HLTF: variants seen among roughly 807,000 people sequenced by gnomAD.
The protein encoded by HLTF is helicase like transcription factor.
HLTF carries 127 observed loss-of-function variants against 129.4 expected under a neutral mutation model. The ratio of observed to expected loss-of-function variants is 0.98; its 90% CI spans 0.85 to 1.14. The LOEUF is 1.14. HLTF is among the 50% of genes most tolerant of loss of function. The probability of loss-of-function intolerance (pLI) is 0.00; values close to 1 mark genes in which losing one functional copy is unlikely to be tolerated. For synonymous variants in HLTF, 332 were observed against 388.8 expected (o/e 0.85, Z 1.72); for missense variants, 1,139 against 1,187.1 (o/e 0.96, Z 0.60).
intron 9 of HLTF, among the ~76,000 whole-genome samples, chr3:149,064,001 T>C (rs1718160351): frequency 6.6e-6 from 1 of 152,148 alleles, no homozygotes; most frequent in Admixed American, 6.5e-5. Context: ...TATAACTCCT[T>C]TTATTCCAAG....
intron 15 of HLTF, among the ~76,000 whole-genome samples, chr3:149,049,900 G>C (rs1295658192): frequency 6.6e-6 from 1 of 151,978 alleles, no homozygotes; most frequent in East Asian, 1.9e-4. Context: ...GCTGAGGCAG[G>C]AGAATCATCT....
intron 4 of HLTF, among the ~76,000 whole-genome samples, chr3:149,073,592 G>A (rs940817962): frequency 6.6e-6 from 1 of 152,106 alleles, no homozygotes; most frequent in Non-Finnish European, 1.5e-5. Flanking sequence ...TACTCAGGAG[G>A]CTCAGGTGGA....
chr3:149,050,140 A>G, intron 15 of HLTF, 92 bp downstream of exon 15: 1 of 713,820 alleles, frequency 1.4e-6, no homozygotes, highest in Non-Finnish European at 2.1e-6. Flanking sequence ...AAAAAAAAGT[A>G]TAAAGCCTGA....
At chr3:149,076,284 AAT>A (rs1719347962) in intron 2 of HLTF, among the ~76,000 whole-genome samples, 1 of 152,212 alleles carries the variant, frequency 6.6e-6, no homozygotes, top group South Asian at 2.1e-4. Context: ...TGTCTTAAAA[AAT>A]AGTCAAATGT....
intron 13 of HLTF, among the ~76,000 whole-genome samples, chr3:149,055,983 T>C (rs1343001237): frequency 1.3e-5 from 2 of 152,192 alleles, no homozygotes; most frequent in Non-Finnish European, 2.9e-5. Flanking sequence ...TCAGGCAACT[T>C]ATGGAAGGAT....
At chr3:149,061,064 G>T (rs1165687755) in intron 10 of HLTF, among the ~76,000 whole-genome samples, 1 of 152,024 alleles carries the variant, frequency 6.6e-6, no homozygotes, top group Non-Finnish European at 1.5e-5. Context: ...TATACAAAAT[G>T]GAGTACCACC....
chr3:149,035,690 T>TTTAAGAGTCAGTC (rs140073710), intron 23 of HLTF, among the ~76,000 whole-genome samples: 40,710 of 141,724 alleles, frequency 0.29, 6,745 homozygotes, highest in Middle Eastern at 0.44. Flanking sequence ...AAAAGGGGGT[T>TTTAAGAGTCAGTC]TTAAGAGTCA....
intron 24 of HLTF, 126 bp downstream of exon 24, chr3:149,034,792 G>C: frequency 3.1e-6 from 2 of 651,656 alleles, no homozygotes. Flanking sequence ...GATGAAGGAG[G>C]AAAAAGGTGA....
chr3:149,039,973 A>G (rs544800191), intron 21 of HLTF, 58 bp downstream of exon 21: 16 of 1,442,300 alleles, frequency 1.1e-5, no homozygotes, highest in East Asian at 6.9e-5. Context: ...TATACTGTGT[A>G]TATTTCCTTA....
At chr3:149,071,805 G>C in intron 5 of HLTF, 148 bp from the exon 6 acceptor site, 1 of 617,850 alleles carries the variant, frequency 1.6e-6, no homozygotes, top group Non-Finnish European at 2.8e-6. Context: ...TCAGCACTTT[G>C]GGAGACCAAG....
At chr3:149,049,993 G>A (rs6783991) in intron 15 of HLTF, among the ~76,000 whole-genome samples, 2,049 of 151,638 alleles carry the variant, frequency 0.014, 40 homozygotes, top group African/African-American at 0.047. Context: ...ACTCCATCGA[G>A]AGGGAGGGGG....
chr3:149,071,229 T>C, intron 7 of HLTF, 23 bp downstream of exon 7: 1 of 1,407,298 alleles, frequency 7.1e-7, no homozygotes, highest in Non-Finnish European at 9.7e-7. Flanking sequence ...TAGATTTTAT[T>C]AACTAAAGAA....
chr3:149,083,251 CA>C (rs1484783354), intron 2 of HLTF, among the ~76,000 whole-genome samples: 4 of 138,710 alleles, frequency 2.9e-5, no homozygotes, highest in African/African-American at 2.7e-5. Flanking sequence ...GACTCCGTTT[CA>C]AAAAAAAAAC....
In HLTF at chr3:149,030,587, T is replaced by C. The variant is rs965433962; in HGVS notation, c.*1633A>G. ...GTTTATACTTAATCTCACTGAAGTA[T>C]TGCTATATGGAGAACCCATACTCTG... is the stretch of plus-strand genomic sequence containing the variant. On this transcript the variant is annotated 3_prime_UTR_variant, in exon 25 of 25. Transcript: ENST00000310053. 2 of 152,226 alleles carry C rather than the reference T, an allele frequency of 1.3e-5. No homozygotes were observed. Among genetic ancestry groups the C allele is most frequent in the East Asian group, 3.8e-4 (2 of 5,196 alleles). 9.4% of individuals were successfully genotyped at this position (152,226 alleles called of 1,614,324 possible). A position where few individuals can be genotyped will look rare whatever the true frequency, so the allele number is the denominator to read the frequency against.
chr3:149,069,362 T>C (rs1335630381), intron 7 of HLTF, among the ~76,000 whole-genome samples: 1 of 151,424 alleles, frequency 6.6e-6, no homozygotes, highest in East Asian at 1.9e-4. Context: ...TCCCAGCTAC[T>C]TGGGAGGCTA....
At chr3:149,038,728 C>T (rs1028877664) in intron 23 of HLTF, among the ~76,000 whole-genome samples, 3 of 152,058 alleles carry the variant, frequency 2.0e-5, no homozygotes, top group African/African-American at 4.8e-5. Flanking sequence ...GCCTAGGCTG[C>T]TCTCAAACTC....
intron 24 of HLTF, 113 bp downstream of exon 24, chr3:149,034,803 CTT>C (rs944935002): frequency 2.9e-6 from 2 of 690,706 alleles, no homozygotes; most frequent in Non-Finnish European, 2.6e-6. Context: ...AAAAAGGTGA[CTT>C]ATATTTTGCT....
intron 24 of HLTF, among the ~76,000 whole-genome samples, chr3:149,032,867 G>C (rs1715228264): frequency 6.6e-6 from 1 of 151,178 alleles, no homozygotes; most frequent in African/African-American, 2.4e-5. Flanking sequence ...GGAGGCTGAG[G>C]CAGGAGAATG....
At chr3:149,063,118 G>C (rs1378767293) in intron 10 of HLTF, 3 of 462,046 alleles carry the variant, frequency 6.5e-6, no homozygotes, top group South Asian at 4.7e-5. Flanking sequence ...GCAGTGCAGT[G>C]GTGCGATCTT....
Sources: gnomAD v4.1 joint callset for allele counts (sites outside exome capture counted in the v4.1 genomes callset) on GRCh38, gnomAD v4.1.1 for gene constraint, MANE v1.5 for transcripts, NCBI Gene and HGNC (gene_info 2026-07-23, HGNC 2026-07-21) for gene names.